The following CALN1 variants were observed in gnomAD, a reference collection of about 807,000 sequenced individuals.
CALN1 encodes calneuron 1.
CALN1 carries 17 observed loss-of-function variants against 30.6 expected under a neutral mutation model. The ratio of observed to expected loss-of-function variants is 0.56; its 90% CI spans 0.38 to 0.83. The LOEUF is 0.83. Among genes scored for constraint, CALN1 ranks in the 40% least tolerant of loss-of-function variants. The pLI, the probability that CALN1 is intolerant of heterozygous loss-of-function variation, is 0.00. For missense variants in CALN1, 291 were observed against 354.9 expected (o/e 0.82, Z 1.45); for synonymous variants, 156 against 131.4 (o/e 1.19, Z -1.28).
intron 2 of CALN1, among the ~76,000 whole-genome samples, chr7:72,369,320 TAATA>T (rs1487599619): frequency 6.8e-6 from 1 of 147,410 alleles, no homozygotes; most frequent in African/African-American, 2.5e-5. Flanking sequence ...TAAATATTTA[TAATA>T]TATATAATTT....
chr7:72,355,861 A>C (rs1332519370), intron 2 of CALN1, among the ~76,000 whole-genome samples: 1 of 152,192 alleles, frequency 6.6e-6, no homozygotes, highest in Non-Finnish European at 1.5e-5. Flanking sequence ...ATGGTTACAA[A>C]GGTTTATACA....
chr7:72,267,900 G>A (rs913134180), intron 3 of CALN1, among the ~76,000 whole-genome samples: 5 of 152,158 alleles, frequency 3.3e-5, no homozygotes, highest in South Asian at 2.1e-4. Context: ...TCAGCTACTC[G>A]GGAGGCTGAG....
chr7:72,171,953 T>G (rs1241026737), intron 3 of CALN1, among the ~76,000 whole-genome samples: 1 of 152,192 alleles, frequency 6.6e-6, no homozygotes. Flanking sequence ...TCACAGGTCA[T>G]GTAGCGATCA....
At chr7:72,078,744 T>C (rs988355667) in intron 4 of CALN1, among the ~76,000 whole-genome samples, 2 of 152,192 alleles carry the variant, frequency 1.3e-5, no homozygotes, top group African/African-American at 4.8e-5. Context: ...AAGACCAGCC[T>C]GGCCAACATG....
chr7:72,441,529 C>T (rs1352026074), intron 1 of CALN1, among the ~76,000 whole-genome samples: 1 of 140,898 alleles, frequency 7.1e-6, no homozygotes, highest in Admixed American at 7.8e-5. Flanking sequence ...ACCCAGGAGG[C>T]AGAGTTTGCA....
At chr7:72,358,963 CAA>C (rs545772468) in intron 2 of CALN1, among the ~76,000 whole-genome samples, 8 of 137,662 alleles carry the variant, frequency 5.8e-5, no homozygotes, top group Admixed American at 1.5e-4. Context: ...GACTCTACCT[CAA>C]AAAAAAAAAA....
At chr7:72,039,850 C>G (rs529184868) in intron 4 of CALN1, among the ~76,000 whole-genome samples, 3 of 152,284 alleles carry the variant, frequency 2.0e-5, no homozygotes, top group Non-Finnish European at 4.4e-5. Context: ...AAGACCCCCC[C>G]AAGCAGGCTC....
At chr7:72,416,604 G>A (rs1807427079), upstream of CALN1, among the ~76,000 whole-genome samples, 1 of 152,000 alleles carries the variant, frequency 6.6e-6, no homozygotes, top group Non-Finnish European at 1.5e-5. Flanking sequence ...GCATGGTGGT[G>A]TGTGCCTGTA....
At chr7:72,241,106 C>T (rs1405431451) in intron 3 of CALN1, among the ~76,000 whole-genome samples, 5 of 152,112 alleles carry the variant, frequency 3.3e-5, no homozygotes, top group East Asian at 3.9e-4. Flanking sequence ...CTCTGGCACA[C>T]AGTAGATTCT....
intron 5 of CALN1, among the ~76,000 whole-genome samples, chr7:71,925,495 G>GGTTTTTTTGT (rs561558688): frequency 7.3e-6 from 1 of 136,536 alleles, no homozygotes; most frequent in Non-Finnish European, 1.6e-5. Context: ...GGTTTTTTTG[G>GGTTTTTTTGT]TTTTTTTTTT....
intron 5 of CALN1, among the ~76,000 whole-genome samples, chr7:71,988,352 C>A (rs920759130): frequency 2.6e-5 from 4 of 152,164 alleles, no homozygotes; most frequent in African/African-American, 9.7e-5. Context: ...AGCCTAACCA[C>A]AACACCATAT....
At position 71,847,528 on chromosome 7, in the gene CALN1, A is replaced by C. The variant is rs191675175; in HGVS notation, c.502-37036T>G. Among the ~76,000 whole-genome samples, 381 of 151,870 alleles carry C rather than the reference A, an allele frequency of 2.5e-3. 1 individual carries two copies. The highest frequency in any genetic ancestry group is 3.4e-3 in the Middle Eastern group (1 of 294). On this transcript the variant is annotated intron_variant, in intron 5 of 6. Transcript: ENST00000395275. ...CCAAAACCAAAACCAAAAACAAAAA[A>C]AAAATTATCCAGATGTGGTGGTGCA...
intron 5 of CALN1, among the ~76,000 whole-genome samples, chr7:71,899,212 C>T (rs999518416): frequency 4.7e-5 from 7 of 149,988 alleles, no homozygotes; most frequent in African/African-American, 1.5e-4. Context: ...GGCGCGATCT[C>T]GGCTCACTGC....
chr7:72,303,128 G>A (rs1799409352), intron 2 of CALN1, among the ~76,000 whole-genome samples: 1 of 151,738 alleles, frequency 6.6e-6, no homozygotes, highest in Admixed American at 6.6e-5. Flanking sequence ...CATCTAAAAA[G>A]AAATCACTCA....
At chr7:71,794,830 C>CCTGCAGG (rs60773299) in intron 6 of CALN1, among the ~76,000 whole-genome samples, 22,799 of 152,026 alleles carry the variant, frequency 0.15, 2,356 homozygotes, top group East Asian at 0.41. Context: ...CTCACCTTTC[C>CCTGCAGG]CTTCCTGCAA....
intron 5 of CALN1, among the ~76,000 whole-genome samples, chr7:71,929,396 T>C (rs1288955380): frequency 1.3e-5 from 2 of 152,234 alleles, no homozygotes; most frequent in Non-Finnish European, 2.9e-5. Context: ...TATTTGGTTT[T>C]CTGTTCTTGC....
intron 5 of CALN1, among the ~76,000 whole-genome samples, chr7:71,845,691 C>T (rs1790189391): frequency 6.6e-6 from 1 of 152,140 alleles, no homozygotes; most frequent in African/African-American, 2.4e-5. Context: ...GGGTGGCATC[C>T]AGCACCCAGA....
chr7:72,366,448 T>G (rs1446133199), intron 2 of CALN1, among the ~76,000 whole-genome samples: 1 of 152,198 alleles, frequency 6.6e-6, no homozygotes, highest in Non-Finnish European at 1.5e-5. Flanking sequence ...AGTGCTGGCA[T>G]TACAGGCATG....
At chr7:71,852,714 A>G (rs1790719796) in intron 5 of CALN1, among the ~76,000 whole-genome samples, 1 of 152,188 alleles carries the variant, frequency 6.6e-6, no homozygotes, top group Non-Finnish European at 1.5e-5. Context: ...ATCCTTGCCA[A>G]CATTCGGTAT....
Sources: allele counts gnomAD v4.1 joint callset (sites outside exome capture counted in the v4.1 genomes callset), GRCh38; gene constraint gnomAD v4.1.1; transcripts MANE v1.5; gene names NCBI Gene and HGNC (gene_info 2026-07-23, HGNC 2026-07-21).